GRID2: variants seen among roughly 807,000 people sequenced by gnomAD.
GRID2 encodes glutamate receptor ionotropic, delta-2.
GRID2 carries 33 observed loss-of-function variants against 114.8 expected under a neutral mutation model. That is an observed-to-expected ratio of 0.29 (90% CI 0.22 to 0.38). The LOEUF (loss-of-function observed/expected upper bound fraction) is 0.38. Ranked by LOEUF, GRID2 falls within the 10% of genes least tolerant of loss-of-function variation. The probability of loss-of-function intolerance (pLI) is 1.00; values close to 1 mark genes in which losing one functional copy is unlikely to be tolerated. For synonymous variants in GRID2, 505 were observed against 449.9 expected, an observed-to-expected ratio of 1.12 and a Z score of -1.55; for missense variants, 1,184 against 1,257.7, an observed-to-expected ratio of 0.94 and a Z score of 0.89.
intron 1 of GRID2, among the ~76,000 whole-genome samples, chr4:92,587,367 T>C (rs1218739527): frequency 1.3e-5 from 2 of 152,072 alleles, no homozygotes; most frequent in Non-Finnish European, 2.9e-5. Context: ...ATTGGTAATA[T>C]TTGTATATTA....
At chr4:92,731,239 T>TTTTTC (rs1553921511) in intron 2 of GRID2, among the ~76,000 whole-genome samples, 3 of 151,688 alleles carry the variant, frequency 2.0e-5, no homozygotes, top group South Asian at 2.1e-4. Context: ...TGATTTTTTT[T>TTTTTC]TTTCTTTCTT....
At chr4:93,652,162 G>A (rs1348030103) in intron 14 of GRID2, among the ~76,000 whole-genome samples, 3 of 152,106 alleles carry the variant, frequency 2.0e-5, no homozygotes, top group Non-Finnish European at 4.4e-5. Context: ...ACTGGGGCAT[G>A]CCCTATCTAA....
rs928683666 is a variant in GRID2, at chr4:93,685,338, C to A, written c.2360+58903C>A. On this transcript the variant is annotated intron_variant, in intron 14 of 15. Coordinates refer to ENST00000282020, the MANE Select transcript of GRID2 (RefSeq NM_001510.4). ...GGACTTGTCTTATCAAAATCATGTGCTGTTACCTGTCTCTTCCCTTCTAGC... is the reference window on the plus strand; with the variant it reads ...GGACTTGTCTTATCAAAATCATGTGATGTTACCTGTCTCTTCCCTTCTAGC... Among the ~76,000 whole-genome samples the A allele has an allele frequency of 7.2e-5, 11 of 152,016 alleles. No homozygotes were observed. In the East Asian group the frequency reaches 2.1e-3, roughly 29 times the overall value.
chr4:92,892,623 A>G (rs1746869186), intron 2 of GRID2, among the ~76,000 whole-genome samples: 1 of 152,220 alleles, frequency 6.6e-6, no homozygotes, highest in Non-Finnish European at 1.5e-5. Flanking sequence ...ATTAGCCATC[A>G]CATTGTTAAT....
chr4:93,400,059 A>T (rs1284802774), intron 9 of GRID2, among the ~76,000 whole-genome samples: 1 of 152,186 alleles, frequency 6.6e-6, no homozygotes, highest in African/African-American at 2.4e-5. Context: ...TTCTGCCTCC[A>T]TATAGCTAGC....
intron 2 of GRID2, among the ~76,000 whole-genome samples, chr4:92,709,352 C>T (rs1735108206): frequency 6.6e-6 from 1 of 151,818 alleles, no homozygotes; most frequent in Non-Finnish European, 1.5e-5. Flanking sequence ...TGCCACTGTG[C>T]TTTATACTGG....
At chr4:93,601,650 G>A (rs552282126) in intron 13 of GRID2, among the ~76,000 whole-genome samples, 1 of 152,236 alleles carries the variant, frequency 6.6e-6, no homozygotes, top group African/African-American at 2.4e-5. Flanking sequence ...CTTGTAAAAT[G>A]TTTACTGGGA....
chr4:93,728,197 G>A (rs568119388), intron 14 of GRID2, among the ~76,000 whole-genome samples: 93 of 152,098 alleles, frequency 6.1e-4, no homozygotes, highest in Admixed American at 2.8e-3. Context: ...CTTTGTTCTC[G>A]TTGGTTTCCA....
At chr4:93,405,804 T>C (rs1419140382) in intron 9 of GRID2, among the ~76,000 whole-genome samples, 1 of 152,138 alleles carries the variant, frequency 6.6e-6, no homozygotes, top group Non-Finnish European at 1.5e-5. Flanking sequence ...AGTTTCAACA[T>C]AATCACAAGA....
rs186276897 is a variant in GRID2 at position 93,754,006 on chromosome 4, C to T, written c.2361-15204C>T. On this transcript the variant is annotated intron_variant, in intron 14 of 15. Coordinates refer to ENST00000282020, the MANE Select transcript of GRID2 (RefSeq NM_001510.4). ...CAGAGTGTACTTACACAAATCTAGA[C>T]GGTATAGCCTATGAAACCCAGGTTA... 2.6e-4 allele frequency among the ~76,000 whole-genome samples: 39 copies of T among 152,226 alleles called. 1 individual carries two copies. Among genetic ancestry groups the T allele is most frequent in the East Asian group, 1.5e-3 (8 of 5,172 alleles).
In GRID2 at chr4:92,606,903, AT is replaced by A. The variant is rs563781907; in HGVS notation, c.244+16620del. 7.2e-5 allele frequency among the ~76,000 whole-genome samples: 11 copies of A among 152,100 alleles called. No individual in the cohort carries two copies. The East Asian group carries it at 2.1e-3, about 29-fold the overall frequency. The stretch of plus-strand genomic sequence containing the variant: ...AACACAGTAAGGGTGCCTCACAAAG[AT>A]TTCTAGCTTCTGTGCATTGCAAGAT... On this transcript the variant is annotated intron_variant, in intron 2 of 15. Coordinates refer to ENST00000282020, the MANE Select transcript of GRID2 (RefSeq NM_001510.4).
chr4:92,794,009 G>A (rs1560595700), intron 2 of GRID2, among the ~76,000 whole-genome samples: 1 of 151,948 alleles, frequency 6.6e-6, no homozygotes, highest in Admixed American at 6.6e-5. Flanking sequence ...TGTAGGGGCA[G>A]CAAGACTGGA....
chr4:93,098,481 A>G (rs1031489770), intron 3 of GRID2, among the ~76,000 whole-genome samples: 5 of 152,042 alleles, frequency 3.3e-5, no homozygotes, highest in African/African-American at 9.7e-5. Flanking sequence ...TGCAACTGAA[A>G]TAATACAGAA....
intron 11 of GRID2, among the ~76,000 whole-genome samples, chr4:93,457,218 C>T (rs1392429325): frequency 6.6e-6 from 1 of 151,970 alleles, no homozygotes; most frequent in Non-Finnish European, 1.5e-5. Context: ...GGTGTAGAAG[C>T]ACTTAATATA....
chr4:92,919,902 C>A (rs1197772758), intron 2 of GRID2, among the ~76,000 whole-genome samples: 1 of 151,820 alleles, frequency 6.6e-6, no homozygotes, highest in Non-Finnish European at 1.5e-5. Flanking sequence ...ATTCGATGTC[C>A]TTGTTAACTT....
intron 1 of GRID2, among the ~76,000 whole-genome samples, chr4:92,511,957 A>G (rs1367127881): frequency 6.6e-6 from 1 of 151,782 alleles, no homozygotes; most frequent in African/African-American, 2.4e-5. Context: ...CCCATTATAT[A>G]TAATACCTCA....
At chr4:93,235,080 A>G (rs984607349) in intron 7 of GRID2, among the ~76,000 whole-genome samples, 5 of 152,042 alleles carry the variant, frequency 3.3e-5, no homozygotes, top group Non-Finnish European at 7.4e-5. Context: ...TTTCCTAGCC[A>G]TAGGTGAATA....
In GRID2 at chr4:93,038,358, A is replaced by G. The variant is rs1336955836; in HGVS notation, c.245-46637A>G. On this transcript the variant is annotated intron_variant, in intron 2 of 15. Coordinates refer to ENST00000282020, the MANE Select transcript of GRID2 (RefSeq NM_001510.4). ...CAAAAAGTGGGCAAAGGATATGAAC[A>G]GACACTTCTCAAAAGAAGACATTTA... Among the ~76,000 whole-genome samples, 6 of 152,358 alleles carry G rather than the reference A, an allele frequency of 3.9e-5. No individual in the cohort carries two copies. The East Asian group carries it at 1.2e-3, about 29-fold the overall frequency.
chr4:93,169,311 T>A (rs563752384), intron 4 of GRID2, among the ~76,000 whole-genome samples: 184 of 152,262 alleles, frequency 1.2e-3, no homozygotes, highest in African/African-American at 4.1e-3. Flanking sequence ...CAAATTATCT[T>A]GAAAAACTTT....
Sources: allele counts gnomAD v4.1 joint callset (sites outside exome capture counted in the v4.1 genomes callset), GRCh38; gene constraint gnomAD v4.1.1; transcripts MANE v1.5; gene names NCBI Gene and HGNC (gene_info 2026-07-23, HGNC 2026-07-21).